VLDLR: variants seen among roughly 807,000 people sequenced by gnomAD.
VLDLR encodes the protein very low-density lipoprotein receptor.
A neutral mutation model predicts 112.7 loss-of-function variants in VLDLR; 81 were observed. The observed-to-expected ratio is 0.72, with a 90% CI of 0.60 to 0.86. The LOEUF (loss-of-function observed/expected upper bound fraction) is 0.86, where lower values mean the gene tolerates loss of function less well. Ranked by LOEUF, VLDLR falls within the 40% of genes least tolerant of loss-of-function variation. VLDLR has a pLI of 0.00. For missense variants in VLDLR, 1,237 were observed against 1,099.4 expected, an observed-to-expected ratio of 1.13 and a Z score of -1.77; for synonymous variants, 436 against 384.8, an observed-to-expected ratio of 1.13 and a Z score of -1.56.
chr9:2,653,065 G>A, intron 18 of VLDLR, 116 bp downstream of exon 18: 2 of 1,311,886 alleles, frequency 1.5e-6, no homozygotes, highest in Non-Finnish European at 2.2e-6. Flanking sequence ...CACTTCATCT[G>A]CTACCTGGCT....
intron 2 of VLDLR, among the ~76,000 whole-genome samples, chr9:2,637,876 G>A (rs989030976): frequency 1.3e-5 from 2 of 152,152 alleles, no homozygotes; most frequent in Non-Finnish European, 2.9e-5. Context: ...CCGGGAGGCG[G>A]AGCTTGCAGT....
In VLDLR at chr9:2,646,532, A is replaced by T. The variant is rs771246253; in HGVS notation, c.1683A>T (p.Ile561=). Residue 561 remains isoleucine, a synonymous_variant, in exon 11 of 19, where the codon ATA becomes ATT. Coordinates refer to ENST00000382100, the MANE Select transcript of VLDLR (RefSeq NM_003383.5). The part of the protein sequence containing the change: ...FNSDLREPAS[I]AVDPLSGFVY... The stretch of plus-strand genomic sequence containing the variant: ...CTGACTTGCGAGAGCCTGCCTCCAT[A>T]GCTGTGGACCCACTGTCTGGGTTTG... The T allele has an allele frequency of 3.5e-5, 56 of 1,613,980 alleles. No individual in the cohort carries two copies. In the South Asian group the frequency reaches 6.1e-4, roughly 18 times the overall value.
chr9:2,645,452 A>T (rs375182298), intron 9 of VLDLR, 122 bp from the exon 10 acceptor site: 2 of 1,238,656 alleles, frequency 1.6e-6, no homozygotes, highest in Admixed American at 3.5e-5. Context: ...TCCAGAACAG[A>T]TACTACTGAG....
chr9:2,624,389 G>A (rs1322300375), intron 1 of VLDLR, among the ~76,000 whole-genome samples: 1 of 152,132 alleles, frequency 6.6e-6, no homozygotes, highest in Non-Finnish European at 1.5e-5. Flanking sequence ...TCTGTCCACT[G>A]GCACATGGTG....
In VLDLR at chr9:2,655,098, TA is replaced by T. The variant is rs1818546826; in HGVS notation, c.*1232del. ...GGGCGAGGGCTGAAACCTGCTTTCATAAGCCCTTCAGGCGATACTGATGTAA... is the reference window on the plus strand; with the variant it reads ...GGGCGAGGGCTGAAACCTGCTTTCATAGCCCTTCAGGCGATACTGATGTAA... On this transcript the variant is annotated 3_prime_UTR_variant, in exon 19 of 19. Transcript: ENST00000382100. The T allele has an allele frequency of 6.6e-6, 1 of 152,224 alleles. No homozygotes were observed. Among genetic ancestry groups the T allele is most frequent in the South Asian group, 2.1e-4 (1 of 4,828 alleles). The allele number at this position is 152,224 out of a possible 1,614,324, so 9.4% of individuals were successfully genotyped here. A position where few individuals can be genotyped will look rare whatever the true frequency, so the allele number is the denominator to read the frequency against.
At position 2,622,209 on chromosome 9, in the gene VLDLR, G is replaced by A; in HGVS notation, c.20G>A (p.Trp7Ter). 6.7e-7 allele frequency: 1 copy of A among 1,502,908 alleles called. No homozygotes were observed. Among genetic ancestry groups the A allele is most frequent in the Non-Finnish European group, 8.8e-7 (1 of 1,132,666 alleles). The allele number at this position is 1,502,908 out of a possible 1,614,324, so 93.1% of individuals were successfully genotyped here. The part of the protein sequence containing the change: MGTSAL[W>*]ALWLLLALCW... ...GGCACCATGGGCACGTCCGCGCTCT[G>A]GGCGCTCTGGCTGCTGCTCGCGCTG... The change falls in exon 1 of 19, where the codon TGG becomes TAG. Residue 7 changes from tryptophan (W) to a stop codon, truncating the protein, a stop_gained. Coordinates refer to ENST00000382100, the MANE Select transcript of VLDLR (RefSeq NM_003383.5). LOFTEE classifies it high-confidence loss of function.
chr9:2,642,864 GTT>G (rs1024312840), intron 4 of VLDLR, among the ~76,000 whole-genome samples: 2 of 152,200 alleles, frequency 1.3e-5, no homozygotes, highest in African/African-American at 4.8e-5. Context: ...CCTTGTTACA[GTT>G]TGTTATTTAT....
rs199827665 is a variant in VLDLR, at chr9:2,643,419, C to A, written c.708C>A (p.His236Gln). 6.2e-7 allele frequency: 1 copy of A among 1,614,206 alleles called. No individual in the cohort carries two copies. The highest frequency in any genetic ancestry group is 8.5e-7 in the Non-Finnish European group (1 of 1,180,042). Residue 236 changes from histidine (H) to glutamine (Q), a missense_variant, in exon 5 of 19, where the codon CAC becomes CAA. By Grantham distance (24) the His-to-Gln change is conservative (BLOSUM62 0). Transcript: ENST00000382100. ...AGTGTGGCCGTCAGCCAGTCATACACACCAAGTGTCCAGCCAGCGAAATCC... is the reference window on the plus strand; with the variant it reads ...AGTGTGGCCGTCAGCCAGTCATACAAACCAAGTGTCCAGCCAGCGAAATCC... ...LEQCGRQPVI[H>Q]TKCPASEIQC...
chr9:2,634,726 C>T (rs1452746855), intron 1 of VLDLR, among the ~76,000 whole-genome samples: 4 of 152,208 alleles, frequency 2.6e-5, no homozygotes, highest in African/African-American at 9.6e-5. Flanking sequence ...CTTAACTATA[C>T]TTTCTTGTTG....
chr9:2,622,809 G>C (rs1411945886), intron 1 of VLDLR, among the ~76,000 whole-genome samples: 1 of 152,124 alleles, frequency 6.6e-6, no homozygotes, highest in East Asian at 1.9e-4. Flanking sequence ...CGCACGTTCG[G>C]TGGGCGGCGG....
intron 1 of VLDLR, among the ~76,000 whole-genome samples, chr9:2,623,011 AG>A (rs1030059987): frequency 3.3e-5 from 5 of 152,298 alleles, no homozygotes; most frequent in African/African-American, 9.6e-5. Flanking sequence ...CTGAACGCGG[AG>A]GGGGAGTGGA....
Position 2,655,894 on chromosome 9 carries a change from A to G in VLDLR, c.*2026A>G, listed in dbSNP as rs539798708. 6.6e-6 allele frequency: 1 copy of G among 152,176 alleles called. No homozygotes were observed. Among genetic ancestry groups the G allele is most frequent in the Admixed American group, 6.5e-5 (1 of 15,276 alleles). 9.4% of individuals were successfully genotyped at this position (152,176 alleles called of 1,614,324 possible). A position where few individuals can be genotyped will look rare whatever the true frequency, so the allele number is the denominator to read the frequency against. On this transcript the variant is annotated 3_prime_UTR_variant, in exon 19 of 19. Transcript: ENST00000382100. ...AGGTTAGCATTCATCATGAACTCTG[A>G]AAGCCATTTCAGAGTTTGGCTGCTG...
At chr9:2,638,315 T>G (rs35824898) in intron 2 of VLDLR, among the ~76,000 whole-genome samples, 2,688 of 152,240 alleles carry the variant, frequency 0.018, 73 homozygotes, top group African/African-American at 0.06. Context: ...TCTCTCTCCT[T>G]TACAATATCT....
intron 18 of VLDLR, among the ~76,000 whole-genome samples, chr9:2,653,462 C>A (rs930332200): frequency 6.6e-6 from 1 of 152,190 alleles, no homozygotes; most frequent in Admixed American, 6.5e-5. Flanking sequence ...GAGTATTTGG[C>A]CTTCACGTAG....
intron 1 of VLDLR, among the ~76,000 whole-genome samples, chr9:2,630,938 C>T (rs965535833): frequency 6.6e-6 from 1 of 152,074 alleles, no homozygotes; most frequent in African/African-American, 2.4e-5. Context: ...TGACAGGAGA[C>T]TAATATCCAG....
At chr9:2,653,039 T>C (rs996777688) in intron 18 of VLDLR, 90 bp downstream of exon 18, 14 of 1,538,964 alleles carry the variant, frequency 9.1e-6, no homozygotes, top group Admixed American at 1.7e-5. Flanking sequence ...GCCATTAGGA[T>C]GATGGAGTTA....
rs35038887 is a variant in VLDLR at position 2,624,294 on chromosome 9, C to G, written c.82+2023C>G. ...GCTGAGGCAGTTATTGACCCTAAAC[C>G]AATCCCAACCGGCATCTGTCTTAAG... On this transcript the variant is annotated intron_variant, in intron 1 of 18. Coordinates refer to ENST00000382100, the MANE Select transcript of VLDLR (RefSeq NM_003383.5). Among the ~76,000 whole-genome samples, 680 of 152,298 alleles carry G rather than the reference C, an allele frequency of 4.5e-3. 1 individual carries two copies. Among genetic ancestry groups the G allele is most frequent in the Admixed American group, 6.5e-3 (99 of 15,296 alleles).
In VLDLR at chr9:2,651,462, A is replaced by G; in HGVS notation, c.2299A>G (p.Thr767Ala). The change falls in exon 16 of 19, where the codon ACA (threonine) becomes GCA (alanine). Residue 767 changes from threonine (T) to alanine (A), a missense_variant. Coordinates refer to ENST00000382100, the MANE Select transcript of VLDLR (RefSeq NM_003383.5). ...TYSETKDTNT[T>A]EISATSGLVP... ...CAGTGAGACAAAAGATACGAACACA[A>G]CAGAAATTTCAGCAACTAGTGGACT... 1 of 1,614,050 alleles carries G rather than the reference A, an allele frequency of 6.2e-7. No individual in the cohort carries two copies. The highest frequency in any genetic ancestry group is 8.5e-7 in the Non-Finnish European group (1 of 1,179,960).
intron 9 of VLDLR, 151 bp downstream of exon 9, chr9:2,645,233 A>G: frequency 6.0e-6 from 7 of 1,174,690 alleles, no homozygotes; most frequent in Non-Finnish European, 7.5e-6. Flanking sequence ...TAGGTCAAAT[A>G]GCAGATCTCT....
Sources: gnomAD v4.1 joint callset for allele counts (sites outside exome capture counted in the v4.1 genomes callset) on GRCh38, gnomAD v4.1.1 for gene constraint, MANE v1.5 for transcripts, NCBI Gene and HGNC (gene_info 2026-07-23, HGNC 2026-07-21) for gene names.